ARF3: variants seen among roughly 807,000 people sequenced by gnomAD.
ARF3 encodes the protein ARF GTPase 3, also known as ADP-ribosylation factor 3.
ARF3 carries 5 observed loss-of-function variants against 19.3 expected under a neutral mutation model. The ratio of observed to expected loss-of-function variants is 0.26; its 90% CI spans 0.14 to 0.54. The LOEUF (loss-of-function observed/expected upper bound fraction) is 0.54, where lower values mean the gene tolerates loss of function less well. Among genes scored for constraint, ARF3 ranks in the 20% least tolerant of loss-of-function variants. ARF3 has a pLI of 0.95. For missense variants in ARF3, 77 were observed against 234.2 expected, an observed-to-expected ratio of 0.33 and a Z score of 4.38; for synonymous variants, 71 against 89.2, an observed-to-expected ratio of 0.80 and a Z score of 1.15.
Position 48,939,900 on chromosome 12 carries a change from C to A in ARF3, c.259+97G>T, listed in dbSNP as rs1395921841. 2 of 1,590,022 alleles carry A rather than the reference C, an allele frequency of 1.3e-6. No homozygotes were observed. Among genetic ancestry groups the A allele is most frequent in the African/African-American group, 2.7e-5 (2 of 74,382 alleles). On this transcript the variant is annotated intron_variant, in intron 3 of 4. Transcript: ENST00000256682. The surrounding 1 kb of genome is among the most constrained non-coding windows in gnomAD (Gnocchi z 4.8). ...TCCCTTTCCTCCCTTTCTTCTGCCC[C>A]CAGGAGCTGCAGCAGGGTAACAGTT...
chr12:48,937,971 C>G lies in ARF3; in HGVS notation c.*976G>C, dbSNP rs1053772761. The stretch of plus-strand genomic sequence containing the variant: ...ACCTCAGGCCTTCGCCTCCCTTCCC[C>G]CAATGCCCTGGGTCCCTAACACACA... On this transcript the variant is annotated 3_prime_UTR_variant, in exon 5 of 5. Coordinates refer to ENST00000256682, the MANE Select transcript of ARF3 (RefSeq NM_001659.3). 6.3e-6 allele frequency: 1 copy of G among 158,502 alleles called. No individual in the cohort carries two copies. The highest frequency in any genetic ancestry group is 2.4e-5 in the African/African-American group (1 of 41,706). The allele number at this position is 158,502 out of a possible 1,614,324, so 9.8% of individuals were successfully genotyped here. A position where few individuals can be genotyped will look rare whatever the true frequency, so the allele number is the denominator to read the frequency against.
At position 48,939,619 on chromosome 12, in the gene ARF3, C is replaced by T. The variant is rs1940214608; in HGVS notation, c.384+36G>A. The T allele has an allele frequency of 6.2e-7, 1 of 1,613,206 alleles. No homozygotes were observed. Among genetic ancestry groups the T allele is most frequent in the Non-Finnish European group, 8.5e-7 (1 of 1,179,268 alleles). ...GCCAACAATTTCCACAGCCAGTTTG[C>T]TGTCTCCCAAATTCAGGGGTGGGAA... is the stretch of plus-strand genomic sequence containing the variant. On this transcript the variant is annotated intron_variant, in intron 4 of 4. Coordinates refer to ENST00000256682, the MANE Select transcript of ARF3 (RefSeq NM_001659.3). The surrounding 1 kb of genome is among the most constrained non-coding windows in gnomAD (Gnocchi z 4.8).
rs768532168 is a variant in ARF3 at position 48,938,439 on chromosome 12, G to A, written c.*508C>T. 2.2e-5 allele frequency: 7 copies of A among 324,568 alleles called. No homozygotes were observed. The highest frequency in any genetic ancestry group is 6.8e-5 in the Admixed American group (2 of 29,252). 20.1% of individuals were successfully genotyped at this position (324,568 alleles called of 1,614,324 possible). ...ACTCCACCCCCTCCCCGCTCCCCCC[G>A]GCCCCCACAAATATATCTCTCTATA... On this transcript the variant is annotated 3_prime_UTR_variant, in exon 5 of 5. Coordinates refer to ENST00000256682, the MANE Select transcript of ARF3 (RefSeq NM_001659.3).
In ARF3 at chr12:48,939,967, C is replaced by A. The variant is rs1041721222; in HGVS notation, c.259+30G>T. On this transcript the variant is annotated intron_variant, in intron 3 of 4. Transcript: ENST00000256682. The surrounding 1 kb of genome is among the most constrained non-coding windows in gnomAD (Gnocchi z 4.8). The stretch of plus-strand genomic sequence containing the variant: ...AGACAGCCACACTCTCTGCTCATAC[C>A]CAACCAACCCACGCTAGGCCTGAGC... 39 of 1,609,218 alleles carry A rather than the reference C, an allele frequency of 2.4e-5. No individual in the cohort carries two copies. Among genetic ancestry groups the A allele is most frequent in the Non-Finnish European group, 3.1e-5 (37 of 1,175,536 alleles).
At chr12:48,950,294 C>T (rs564268826) in intron 1 of ARF3, among the ~76,000 whole-genome samples, 2 of 152,234 alleles carry the variant, frequency 1.3e-5, no homozygotes, top group East Asian at 3.9e-4. Flanking sequence ...CTCCCAGGCT[C>T]GAGCAATCCT....
intron 1 of ARF3, among the ~76,000 whole-genome samples, chr12:48,948,534 A>C (rs1276559021): frequency 6.6e-6 from 1 of 151,892 alleles, no homozygotes; most frequent in Non-Finnish European, 1.5e-5. Flanking sequence ...GAGTACAGGC[A>C]AGGTGTGGTA....
chr12:48,940,897 G>T (rs1172033795), intron 2 of ARF3, 51 bp downstream of exon 2: 1 of 1,516,710 alleles, frequency 6.6e-7, no homozygotes, highest in Admixed American at 2.0e-5. Flanking sequence ...ATAGGTCCCT[G>T]CCCTGCCTCA....
chr12:48,941,591 G>A (rs1338774742), intron 1 of ARF3: 1 of 152,304 alleles, frequency 6.6e-6, no homozygotes, highest in Non-Finnish European at 1.5e-5. Flanking sequence ...GCAAGGGTGG[G>A]AGAGGAGGGA....
chr12:48,945,781 T>G (rs1349346710), intron 1 of ARF3, among the ~76,000 whole-genome samples: 1 of 152,148 alleles, frequency 6.6e-6, no homozygotes, highest in Non-Finnish European at 1.5e-5. Flanking sequence ...ACCTTGAAAC[T>G]AATGGATGTT....
At chr12:48,946,752 A>G (rs2137586370) in intron 1 of ARF3, among the ~76,000 whole-genome samples, 1 of 152,338 alleles carries the variant, frequency 6.6e-6, no homozygotes, top group Non-Finnish European at 1.5e-5. Context: ...CTGTTGCTGT[A>G]ACTGGCTACT....
chr12:48,938,623 C>G lies in ARF3; in HGVS notation c.*324G>C, dbSNP rs775856744. ...GATGCCAAGAGGACAGCAACCACTG[C>G]CAAACAAAGAGAATACCCCACTCGA... On this transcript the variant is annotated 3_prime_UTR_variant, in exon 5 of 5. Coordinates refer to ENST00000256682, the MANE Select transcript of ARF3 (RefSeq NM_001659.3). The G allele has an allele frequency of 4.5e-6, 2 of 445,284 alleles. No individual in the cohort carries two copies. Among genetic ancestry groups the G allele is most frequent in the Non-Finnish European group, 8.9e-6 (2 of 223,584 alleles). 27.6% of individuals were successfully genotyped at this position (445,284 alleles called of 1,614,324 possible).
In ARF3 at chr12:48,938,969, T is replaced by C. The variant is rs1458598929; in HGVS notation, c.524A>G (p.Asn175Ser). The part of the protein sequence containing the change: ...GLYEGLDWLA[N>S]QLKNKK ...CTTTCACTTCTTGTTTTTGAGCTGATTGGCCAGCCAGTCCAGGCCTTCGTA... is the reference window on the plus strand; with the variant it reads ...CTTTCACTTCTTGTTTTTGAGCTGACTGGCCAGCCAGTCCAGGCCTTCGTA... Residue 175 changes from asparagine (N) to serine (S), a missense_variant, in exon 5 of 5, where the codon AAT becomes AGT. Around this residue, in one of 3 missense-constraint regions of ARF3, gnomAD observed 53 missense variants for 121.2 expected, o/e 0.44. Transcript: ENST00000256682. 7 of 1,612,378 alleles carry C rather than the reference T, an allele frequency of 4.3e-6. No individual in the cohort carries two copies. Among genetic ancestry groups the C allele is most frequent in the Non-Finnish European group, 5.9e-6 (7 of 1,179,986 alleles).
At chr12:48,940,846 G>A in intron 2 of ARF3, 102 bp downstream of exon 2, 4 of 1,390,290 alleles carry the variant, frequency 2.9e-6, no homozygotes, top group East Asian at 2.6e-5. Flanking sequence ...CAAATTGTAT[G>A]GACTTGCCTG....
intron 2 of ARF3, 106 bp from the exon 3 acceptor site, chr12:48,940,213 C>A: frequency 2.2e-6 from 2 of 902,872 alleles, no homozygotes; most frequent in Non-Finnish European, 1.8e-6. Context: ...GCCATAACAC[C>A]AACAATGGAA....
At chr12:48,945,695 C>T (rs1940347152) in intron 1 of ARF3, among the ~76,000 whole-genome samples, 1 of 152,188 alleles carries the variant, frequency 6.6e-6, no homozygotes, top group Non-Finnish European at 1.5e-5. Context: ...TGCACTCCAG[C>T]CTGTGTAACA....
rs760459153 is a variant in ARF3, at chr12:48,940,106, C to G, written c.150G>C (p.Gly50=). Reference sequence around the variant, plus strand: ...TATACTCCACTGTCTCCACATTGAACCCTTTGGAAAAAAAACAGGCAATGG... The same window carrying G: ...TATACTCCACTGTCTCCACATTGAAGCCTTTGGAAAAAAAACAGGCAATGG... ...GEIVTTIPTI[G]FNVETVEYKN... The change falls in exon 3 of 5, where the codon GGG becomes GGC. Residue 50 remains glycine, a splice_region_variant and synonymous_variant. Coordinates refer to ENST00000256682, the MANE Select transcript of ARF3 (RefSeq NM_001659.3). 66 of 1,595,034 alleles carry G rather than the reference C, an allele frequency of 4.1e-5. No individual in the cohort carries two copies. The highest frequency in any genetic ancestry group is 5.3e-5 in the Non-Finnish European group (62 of 1,170,248).
At chr12:48,950,600 C>G (rs570605553) in intron 1 of ARF3, among the ~76,000 whole-genome samples, 1 of 152,174 alleles carries the variant, frequency 6.6e-6, no homozygotes, top group South Asian at 2.1e-4. Flanking sequence ...GTGTAACTAT[C>G]ACAACTATTC....
chr12:48,938,967 G>A lies in ARF3; in HGVS notation c.526C>T (p.Gln176Ter). The change falls in exon 5 of 5, where the codon CAG becomes TAG. Residue 176 changes from glutamine (Q) to a stop codon, truncating the protein, a stop_gained. Coordinates refer to ENST00000256682, the MANE Select transcript of ARF3 (RefSeq NM_001659.3). LOFTEE classifies it high-confidence loss of function. ...LYEGLDWLAN[Q>*]LKNKK Reference sequence around the variant, plus strand: ...GGCTTTCACTTCTTGTTTTTGAGCTGATTGGCCAGCCAGTCCAGGCCTTCG... The same window carrying A: ...GGCTTTCACTTCTTGTTTTTGAGCTAATTGGCCAGCCAGTCCAGGCCTTCG... 6.2e-7 allele frequency: 1 copy of A among 1,612,400 alleles called. No individual in the cohort carries two copies. The highest frequency in any genetic ancestry group is 8.5e-7 in the Non-Finnish European group (1 of 1,179,942).
chr12:48,945,408 T>A (rs1386773737), intron 1 of ARF3, among the ~76,000 whole-genome samples: 2 of 151,964 alleles, frequency 1.3e-5, no homozygotes, highest in African/African-American at 2.4e-5. Context: ...TGAAACCCTG[T>A]CTCTGCTAAA....
Sources: allele counts gnomAD v4.1 joint callset (sites outside exome capture counted in the v4.1 genomes callset), GRCh38; gene constraint gnomAD v4.1.1; regional missense constraint gnomAD v4.1.1; non-coding constraint Gnocchi (gnomAD v3.1); transcripts MANE v1.5; gene names NCBI Gene and HGNC (gene_info 2026-07-23, HGNC 2026-07-21).